The following SH3BP5 variants were observed in gnomAD, a reference collection of about 807,000 sequenced individuals.
The protein encoded by SH3BP5 is SH3 domain-binding protein 5.
In SH3BP5, 22 loss-of-function variants were observed where a neutral mutation model predicts 43.3. The ratio of observed to expected loss-of-function variants is 0.51; its 90% CI spans 0.36 to 0.73. The LOEUF is 0.73. Ranked by LOEUF, SH3BP5 falls within the 30% of genes least tolerant of loss-of-function variation. SH3BP5 has a pLI of 0.00. For missense variants in SH3BP5, 529 were observed against 586.9 expected (o/e 0.90, Z 1.02); for synonymous variants, 255 against 225.8 (o/e 1.13, Z -1.16).
intron 5 of SH3BP5, 88 bp downstream of exon 5, chr3:15,262,071 G>A (rs1696463660): frequency 6.9e-7 from 1 of 1,452,112 alleles, no homozygotes; most frequent in African/African-American, 1.4e-5. Flanking sequence ...TACTCAGGGT[G>A]GTCCTTGAGT....
In SH3BP5 at chr3:15,256,162, A is replaced by G; in HGVS notation, c.1292T>C (p.Met431Thr). The change falls in exon 9 of 9, where the codon ATG becomes ACG. Residue 431 changes from methionine to threonine, a missense_variant. This residue lies in a region of SH3BP5 where 369 missense variants were observed against 384.3 expected (regional missense o/e 0.96). Transcript: ENST00000383791. ...TGAGCACTGTAGGGAGAGCTGCTTC[A>G]TCCGGTTCTCCAAGGCCTGGCCCTC... ...SPEGQALENR[M>T]KQLSLQCSKG... The G allele has an allele frequency of 6.2e-7, 1 of 1,614,186 alleles. No homozygotes were observed. The highest frequency in any genetic ancestry group is 8.5e-7 in the Non-Finnish European group (1 of 1,180,022).
intron 3 of SH3BP5, among the ~76,000 whole-genome samples, chr3:15,286,594 C>A (rs1388461036): frequency 6.6e-6 from 1 of 152,202 alleles, no homozygotes; most frequent in East Asian, 1.9e-4. Flanking sequence ...GTCGCCCAGG[C>A]TACAGTGCAG....
Position 15,259,066 on chromosome 3 carries a change from G to T in SH3BP5, c.670-16C>A. On this transcript the variant is annotated splice_polypyrimidine_tract_variant and intron_variant, in intron 6 of 8. Transcript: ENST00000383791. ...TTTTCAGTTGCTGATCAAGAGAACA[G>T]GAGACTAAGTGAAGACTACCCTGCT... is the stretch of plus-strand genomic sequence containing the variant. 6.2e-7 allele frequency: 1 copy of T among 1,604,488 alleles called. No individual in the cohort carries two copies.
chr3:15,256,247 C>A lies in SH3BP5; in HGVS notation c.1207G>T (p.Gly403Cys), dbSNP rs751453170. The stretch of plus-strand genomic sequence containing the variant: ...CCACTGCCACTGCTACTGCTGAGGC[C>A]CCGGTTGTTGTTGGCTTTGTCACTT... ...KTSDKANNNRGLSSSSGSGGS... is the reference protein window; with the variant it reads ...KTSDKANNNRCLSSSSGSGGS... The change falls in exon 9 of 9, where the codon GGC (glycine) becomes TGC (cysteine). Residue 403 changes from glycine to cysteine, a missense_variant. Physicochemically the swap from Gly to Cys is radical, Grantham distance 159 (BLOSUM62 -3). Coordinates refer to ENST00000383791, the MANE Select transcript of SH3BP5 (RefSeq NM_004844.5). The A allele has an allele frequency of 6.2e-7, 1 of 1,614,218 alleles. No individual in the cohort carries two copies. The highest frequency in any genetic ancestry group is 1.1e-5 in the South Asian group (1 of 91,090).
At chr3:15,314,641 T>C (rs1438314844) in intron 2 of SH3BP5, among the ~76,000 whole-genome samples, 2 of 152,178 alleles carry the variant, frequency 1.3e-5, no homozygotes, top group Non-Finnish European at 2.9e-5. Context: ...CTCCTGCTCA[T>C]GGCATAGGCC....
At chr3:15,270,031 C>G (rs758619194) in intron 3 of SH3BP5, among the ~76,000 whole-genome samples, 154 bp from the exon 4 acceptor site, 7 of 152,256 alleles carry the variant, frequency 4.6e-5, no homozygotes, top group African/African-American at 9.6e-5. Context: ...AGATGCCAGA[C>G]AGGGCAATGG....
chr3:15,276,968 G>A (rs1349197347), intron 3 of SH3BP5, among the ~76,000 whole-genome samples: 1 of 148,204 alleles, frequency 6.7e-6, no homozygotes, highest in African/African-American at 2.5e-5. Context: ...TTTTTTTCTT[G>A]AGATGGAGTT....
intron 3 of SH3BP5, among the ~76,000 whole-genome samples, chr3:15,274,847 C>A (rs1696920207): frequency 1.3e-5 from 2 of 152,202 alleles, no homozygotes; most frequent in African/African-American, 4.8e-5. Context: ...AGCCGCCACA[C>A]CCAGTCGCTA....
intron 3 of SH3BP5, among the ~76,000 whole-genome samples, chr3:15,300,269 T>C (rs1221495125): frequency 6.6e-6 from 1 of 152,212 alleles, no homozygotes. Flanking sequence ...CCCAAGCTCA[T>C]GCTGGGATTC....
At chr3:15,337,533 C>T (rs924149261), upstream of SH3BP5, among the ~76,000 whole-genome samples, 6 of 152,060 alleles carry the variant, frequency 3.9e-5, no homozygotes, top group Non-Finnish European at 7.4e-5. Flanking sequence ...TATATGCATA[C>T]ACTATTTCTG....
At chr3:15,289,112 T>G (rs1194970501) in intron 3 of SH3BP5, among the ~76,000 whole-genome samples, 2 of 152,326 alleles carry the variant, frequency 1.3e-5, no homozygotes, top group East Asian at 3.9e-4. Flanking sequence ...AAGCCCACCT[T>G]TAACTCCTTC....
intron 3 of SH3BP5, among the ~76,000 whole-genome samples, chr3:15,279,159 A>C (rs1697051775): frequency 6.6e-6 from 1 of 152,166 alleles, no homozygotes; most frequent in African/African-American, 2.4e-5. Context: ...AACAAGAGCG[A>C]AACTCTGTCT....
At chr3:15,307,169 C>T (rs549893916) in intron 2 of SH3BP5, among the ~76,000 whole-genome samples, 2 of 152,300 alleles carry the variant, frequency 1.3e-5, no homozygotes, top group Admixed American at 1.3e-4. Context: ...GATCCCATGT[C>T]CAACACAGGC....
intron 7 of SH3BP5, 142 bp from the exon 8 acceptor site, chr3:15,257,255 C>G: frequency 1.2e-6 from 1 of 819,572 alleles, no homozygotes; most frequent in South Asian, 1.8e-5. Flanking sequence ...AGGAATGTGA[C>G]TTCCCAAGCC....
intron 3 of SH3BP5, among the ~76,000 whole-genome samples, chr3:15,279,124 C>G (rs746296792): frequency 6.6e-6 from 1 of 151,986 alleles, no homozygotes; most frequent in African/African-American, 2.4e-5. Flanking sequence ...GAGCCGAGAT[C>G]GCACCACTGC....
rs946967284 is a variant in SH3BP5, at chr3:15,255,353, T to TTA, written c.*731_*732dup. The TTA allele has an allele frequency of 1.3e-5, 2 of 152,612 alleles. No individual in the cohort carries two copies. The highest frequency in any genetic ancestry group is 4.8e-5 in the African/African-American group (2 of 41,454). 9.5% of individuals were successfully genotyped at this position (152,612 alleles called of 1,614,324 possible). A position where few individuals can be genotyped will look rare whatever the true frequency, so the allele number is the denominator to read the frequency against. ...ATCCCCTTGGCTGGCAGGATAAGGC[T>TTA]TATGCTGTAGAACCTTCTCCCCCAC... On this transcript the variant is annotated 3_prime_UTR_variant, in exon 9 of 9. Coordinates refer to ENST00000383791, the MANE Select transcript of SH3BP5 (RefSeq NM_004844.5).
chr3:15,305,561 G>A (rs926367180), intron 2 of SH3BP5, among the ~76,000 whole-genome samples: 20 of 152,100 alleles, frequency 1.3e-4, no homozygotes, highest in African/African-American at 4.8e-4. Context: ...TGTATTAGAG[G>A]GAGAGTCACA....
chr3:15,263,381 G>A (rs891277201), intron 4 of SH3BP5, among the ~76,000 whole-genome samples: 2 of 152,182 alleles, frequency 1.3e-5, no homozygotes. Context: ...TGGCAGTCAA[G>A]CCAGCAAAGC....
At chr3:15,257,405 T>G in intron 7 of SH3BP5, 1 of 334,554 alleles carries the variant, frequency 3.0e-6, no homozygotes, top group Non-Finnish European at 5.5e-6. Flanking sequence ...GGAAGATTAA[T>G]TCAGCCACAA....
Sources: allele counts gnomAD v4.1 joint callset (sites outside exome capture counted in the v4.1 genomes callset), GRCh38; gene constraint gnomAD v4.1.1; regional missense constraint gnomAD v4.1.1; transcripts MANE v1.5; gene names NCBI Gene and HGNC (gene_info 2026-07-23, HGNC 2026-07-21).